The following RFFL variants were observed in gnomAD, a reference collection of about 807,000 sequenced individuals.
The protein encoded by RFFL is E3 ubiquitin-protein ligase rififylin.
In RFFL, 16 loss-of-function variants were observed where a neutral mutation model predicts 40.4. That is an observed-to-expected ratio of 0.40 (90% CI 0.27 to 0.60). The LOEUF (loss-of-function observed/expected upper bound fraction) is 0.60, where lower values mean the gene tolerates loss of function less well. RFFL is among the 20% of genes least tolerant of loss of function. RFFL has a pLI of 0.47. For missense variants in RFFL, 367 were observed against 451.7 expected, an observed-to-expected ratio of 0.81 and a Z score of 1.70; for synonymous variants, 154 against 167.9, an observed-to-expected ratio of 0.92 and a Z score of 0.64.
intron 1 of RFFL, among the ~76,000 whole-genome samples, chr17:35,071,197 CAA>C (rs548193599): frequency 2.8e-4 from 15 of 53,244 alleles, no homozygotes; most frequent in Admixed American, 3.7e-4. Flanking sequence ...GACTCCAACT[CAA>C]AAAAAAAAAA....
intron 1 of RFFL, among the ~76,000 whole-genome samples, chr17:35,062,070 A>C (rs2091294317): frequency 6.6e-6 from 1 of 152,136 alleles, no homozygotes; most frequent in African/African-American, 2.4e-5. Context: ...TACTCCAACA[A>C]AATCAACAGG....
At chr17:35,023,279 G>A (rs900909323) in intron 2 of RFFL, among the ~76,000 whole-genome samples, 4 of 152,202 alleles carry the variant, frequency 2.6e-5, no homozygotes, top group African/African-American at 9.7e-5. Flanking sequence ...ACTCTGGGCT[G>A]AAGTAAATGT....
At chr17:35,076,769 T>A in intron 1 of RFFL, 1 of 177,270 alleles carries the variant, frequency 5.6e-6, no homozygotes, top group South Asian at 1.2e-4. Flanking sequence ...TTGGAAAGCA[T>A]CACAATAAGA....
intron 5 of RFFL, among the ~76,000 whole-genome samples, chr17:35,015,161 T>C (rs1361005649): frequency 6.6e-6 from 1 of 152,112 alleles, no homozygotes; most frequent in Non-Finnish European, 1.5e-5. Context: ...GAGATGGTGT[T>C]TCACCATGTT....
intron 1 of RFFL, among the ~76,000 whole-genome samples, chr17:35,029,340 G>GT (rs751041700): frequency 0.026 from 3,341 of 127,990 alleles, 118 homozygotes; most frequent in African/African-American, 0.067. Context: ...ATATTTTGTA[G>GT]TTTTTTTTTT....
intron 1 of RFFL, among the ~76,000 whole-genome samples, chr17:35,033,704 G>C (rs1205985986): frequency 1.3e-5 from 2 of 150,940 alleles, no homozygotes; most frequent in African/African-American, 4.9e-5. Flanking sequence ...AAAAGTGAAA[G>C]TACAAAATAA....
Position 35,006,298 on chromosome 17 carries a change from CTTATT to C in RFFL, c.*5665_*5669del, listed in dbSNP as rs2090894860. The C allele has an allele frequency of 6.5e-6, 1 of 154,958 alleles. No individual in the cohort carries two copies. The highest frequency in any genetic ancestry group is 2.0e-4 in the South Asian group (1 of 4,984). 9.6% of individuals were successfully genotyped at this position (154,958 alleles called of 1,614,324 possible). A position where few individuals can be genotyped will look rare whatever the true frequency, so the allele number is the denominator to read the frequency against. ...CTGGCACAACTAAGGAACTGAAGTT[CTTATT>C]TTAATTCAACTTCAAATGGTCACAT... On this transcript the variant is annotated 3_prime_UTR_variant, in exon 7 of 7. Transcript: ENST00000394597.
At position 35,071,341 on chromosome 17, in the gene RFFL, G is replaced by A. The variant is rs75300465; in HGVS notation, c.-9+17764C>T. Among the ~76,000 whole-genome samples, 858 of 152,202 alleles carry A rather than the reference G, an allele frequency of 5.6e-3. 41 individuals carry two copies. The East Asian group carries it at 0.11, about 19-fold the overall frequency. On this transcript the variant is annotated intron_variant, in intron 1 of 6. Coordinates refer to the RFFL transcript ENST00000315249. ...GAAAAGAATTTAGCAATTTTGGCCC[G>A]GTGCGGTGGCTCACCCCTGTCATGC... is the stretch of plus-strand genomic sequence containing the variant.
intron 3 of RFFL, among the ~76,000 whole-genome samples, chr17:35,019,152 G>C (rs1190547442): frequency 6.6e-6 from 1 of 152,182 alleles, no homozygotes; most frequent in African/African-American, 2.4e-5. Context: ...ACAGTACTGC[G>C]TAAGTTACTT....
At chr17:35,047,258 C>A (rs564817401) in intron 1 of RFFL, among the ~76,000 whole-genome samples, 13 of 152,138 alleles carry the variant, frequency 8.5e-5, no homozygotes, top group Non-Finnish European at 1.5e-4. Context: ...GAAAAGAAGG[C>A]ATTTCCAGAC....
intron 1 of RFFL, among the ~76,000 whole-genome samples, chr17:35,085,365 G>GA (rs765162895): frequency 6.6e-6 from 1 of 152,104 alleles, no homozygotes; most frequent in Non-Finnish European, 1.5e-5. Context: ...TAGAGAGCAG[G>GA]AAAAAACAGC....
chr17:35,008,456 C>T lies in RFFL; in HGVS notation c.*3512G>A, dbSNP rs1001452084. The T allele has an allele frequency of 6.6e-6, 1 of 150,576 alleles. No individual in the cohort carries two copies. The highest frequency in any genetic ancestry group is 2.4e-5 in the African/African-American group (1 of 40,840). The allele number at this position is 150,576 out of a possible 1,614,324, so 9.3% of individuals were successfully genotyped here. On this transcript the variant is annotated 3_prime_UTR_variant, in exon 7 of 7. Transcript: ENST00000394597. ...TGTCAATTTTTTTTTTTTTTTAATA[C>T]AGGGTCTCACTCTGTCACCCTGGCT...
chr17:35,044,928 G>C (rs1054585196), intron 1 of RFFL, among the ~76,000 whole-genome samples: 4 of 150,958 alleles, frequency 2.6e-5, no homozygotes, highest in Admixed American at 2.6e-4. Flanking sequence ...CTGGAGTACA[G>C]TGGTGCGATC....
chr17:35,058,825 G>A (rs1262162496), intron 1 of RFFL, among the ~76,000 whole-genome samples: 2 of 151,994 alleles, frequency 1.3e-5, no homozygotes, highest in African/African-American at 4.8e-5. Flanking sequence ...CTTTTGCAAT[G>A]TGATTTTTAC....
chr17:35,037,425 A>T (rs1195105190), intron 1 of RFFL, among the ~76,000 whole-genome samples: 1 of 152,252 alleles, frequency 6.6e-6, no homozygotes, highest in African/African-American at 2.4e-5. Flanking sequence ...TTTGAAAGGA[A>T]ATTCTGTGAA....
At chr17:35,037,309 AG>A (rs900990474) in intron 1 of RFFL, among the ~76,000 whole-genome samples, 1 of 152,196 alleles carries the variant, frequency 6.6e-6, no homozygotes, top group African/African-American at 2.4e-5. Flanking sequence ...CTATGTTGTT[AG>A]TGCATAAAGA....
chr17:35,031,199 C>G (rs952346532), intron 1 of RFFL, among the ~76,000 whole-genome samples: 1 of 151,946 alleles, frequency 6.6e-6, no homozygotes, highest in Non-Finnish European at 1.5e-5. Flanking sequence ...CTCTGCCTCC[C>G]AGGTTCAAGT....
chr17:35,069,980 AG>A (rs1597840728), intron 1 of RFFL, among the ~76,000 whole-genome samples: 1 of 152,054 alleles, frequency 6.6e-6, no homozygotes, highest in Non-Finnish European at 1.5e-5. Context: ...TGTGAACAGC[AG>A]GGGGGAATAT....
chr17:35,080,141 T>G (rs1211740131), intron 1 of RFFL, among the ~76,000 whole-genome samples: 1 of 152,136 alleles, frequency 6.6e-6, no homozygotes, highest in Admixed American at 6.5e-5. Context: ...ATTAGAACAT[T>G]CCTTTGCCCA....
Sources: allele counts gnomAD v4.1 joint callset (sites outside exome capture counted in the v4.1 genomes callset), GRCh38; gene constraint gnomAD v4.1.1; transcripts MANE v1.5; gene names NCBI Gene and HGNC (gene_info 2026-07-23, HGNC 2026-07-21).